MOSPD3: variants seen among roughly 807,000 people sequenced by gnomAD.
MOSPD3 encodes the protein motile sperm domain-containing protein 3.
In MOSPD3, 20 loss-of-function variants were observed where a neutral mutation model predicts 23.3. The ratio of observed to expected loss-of-function variants is 0.86; its 90% confidence interval spans 0.61 to 1.25. The LOEUF is 1.25. Among genes scored for constraint, MOSPD3 ranks in the 50% most tolerant of loss-of-function variants. MOSPD3 has a pLI of 0.00. For synonymous variants in MOSPD3, 136 were observed against 135.2 expected (o/e 1.01, Z -0.04); for missense variants, 307 against 315.7 (o/e 0.97, Z 0.21).
Position 100,613,196 on chromosome 7 carries a change from C to T in MOSPD3, c.208C>T (p.Leu70=). The T allele has an allele frequency of 3.7e-6, 6 of 1,614,062 alleles. No individual in the cohort carries two copies. The highest frequency in any genetic ancestry group is 5.1e-6 in the Non-Finnish European group (6 of 1,179,968). ...CTGTGTGTGTCTCTATCCCCCAGTCCTGTGCACAGCACCTGCCAAATACAC... is the reference window on the plus strand; with the variant it reads ...CTGTGTGTGTCTCTATCCCCCAGTCTTGTGCACAGCACCTGCCAAATACAC... The part of the protein sequence containing the change: ...PTGTALRFRV[L]CTAPAKYTVF... Residue 70 remains leucine (L), a splice_region_variant and synonymous_variant, in exon 2 of 5, where the codon CTG becomes TTG. Coordinates refer to ENST00000393950, the MANE Select transcript of MOSPD3 (RefSeq NM_023948.5).
At position 100,612,829 on chromosome 7, in the gene MOSPD3, G is replaced by A. The variant is rs574050719; in HGVS notation, c.38G>A (p.Gly13Asp). The change falls in exon 1 of 5, where the codon GGT becomes GAT. Residue 13 changes from glycine to aspartate, a missense_variant. Physicochemically the swap from Gly to Asp is moderately conservative, Grantham distance 94. Coordinates refer to ENST00000393950, the MANE Select transcript of MOSPD3 (RefSeq NM_023948.5). ...RGAPQDQELV[G>D]PGPPGRGSRG... ...GCGCCCCAGGACCAGGAGCTGGTGG[G>A]TCCGGGGCCCCCTGGGCGGGGGTCC... is the stretch of plus-strand genomic sequence containing the variant. 1.2e-4 allele frequency: 187 copies of A among 1,609,366 alleles called. 1 individual carries two copies. In the South Asian group the frequency reaches 2.0e-3, roughly 17 times the overall value.
At chr7:100,612,502 G>C (rs1301397345), upstream of MOSPD3, 1 of 324,682 alleles carries the variant, frequency 3.1e-6, no homozygotes, top group South Asian at 7.0e-5. Flanking sequence ...AGAAGGCCGG[G>C]TTGGGAGCTG....
chr7:100,613,835 C>G, intron 3 of MOSPD3, 129 bp downstream of exon 3: 2 of 830,184 alleles, frequency 2.4e-6, no homozygotes, highest in Non-Finnish European at 3.7e-6. Flanking sequence ...AAACATTCCT[C>G]CGAGTTGAGA....
intron 1 of MOSPD3, 95 bp downstream of exon 1, chr7:100,613,091 T>C: frequency 6.3e-7 from 1 of 1,578,594 alleles, no homozygotes; most frequent in East Asian, 2.2e-5. Flanking sequence ...ACGTCCAGCT[T>C]TGGTGGACTG....
In MOSPD3 at chr7:100,614,869, C is replaced by G. The variant is rs775486505; in HGVS notation, c.514C>G (p.Pro172Ala). ...PPTARHFQEH[P>A]RQQLATSSFL... ...ATCTGATGAGTCTTGTTTCTCAGAC[C>G]CCCGCCAGCAACTGGCCACCAGCTC... The change falls in exon 4 of 5, where the codon CCC (proline) becomes GCC (alanine). Residue 172 changes from proline (P) to alanine (A), a missense_variant and splice_region_variant. Physicochemically the swap from Pro to Ala is conservative, Grantham distance 27. Transcript: ENST00000393950. The G allele has an allele frequency of 6.2e-7, 1 of 1,613,664 alleles. No homozygotes were observed. Among genetic ancestry groups the G allele is most frequent in the Non-Finnish European group, 8.5e-7 (1 of 1,179,728 alleles).
chr7:100,613,833 C>A, intron 3 of MOSPD3, 127 bp downstream of exon 3: 1 of 846,176 alleles, frequency 1.2e-6, no homozygotes, highest in Non-Finnish European at 1.8e-6. Context: ...GGAAACATTC[C>A]TCCGAGTTGA....
At chr7:100,613,782 G>T (rs899515415) in intron 3 of MOSPD3, 76 bp downstream of exon 3, 19 of 1,329,508 alleles carry the variant, frequency 1.4e-5, no homozygotes, top group Non-Finnish European at 2.0e-5. Context: ...AGATAAATTG[G>T]ATTTGAAGAA....
rs1802885850 is a variant in MOSPD3, at chr7:100,613,260, G to A, written c.272G>A (p.Cys91Tyr). ...DAEGYVKPQS[C>Y]IDIVIRHVAP... is the part of the protein sequence containing the mutation. ...GAGGGATATGTGAAGCCCCAGTCTT[G>A]CATTGACATGTGAGTGAGCTGGGAG... The change falls in exon 2 of 5, where the codon TGC (cysteine) becomes TAC (tyrosine). Residue 91 changes from cysteine (C) to tyrosine (Y), a missense_variant. By Grantham distance (194) the Cys-to-Tyr change is radical. Transcript: ENST00000393950. The A allele has an allele frequency of 6.2e-7, 1 of 1,614,112 alleles. No homozygotes were observed. The highest frequency in any genetic ancestry group is 8.5e-7 in the Non-Finnish European group (1 of 1,179,976).
At position 100,613,178 on chromosome 7, in the gene MOSPD3, T is replaced by A. The variant is rs1802882803; in HGVS notation, c.206-16T>A. On this transcript the variant is annotated splice_polypyrimidine_tract_variant and intron_variant, in intron 1 of 4. Coordinates refer to ENST00000393950, the MANE Select transcript of MOSPD3 (RefSeq NM_023948.5). ...CCACATGGCAGGGCTTGTCTGTGTG[T>A]GTCTCTATCCCCCAGTCCTGTGCAC... is the stretch of plus-strand genomic sequence containing the variant. 3 of 1,613,676 alleles carry A rather than the reference T, an allele frequency of 1.9e-6. No homozygotes were observed. Among genetic ancestry groups the A allele is most frequent in the Non-Finnish European group, 2.5e-6 (3 of 1,179,612 alleles).
chr7:100,613,056 GGA>G, intron 1 of MOSPD3, 60 bp downstream of exon 1: 1 of 1,600,336 alleles, frequency 6.2e-7, no homozygotes, highest in Non-Finnish European at 8.6e-7. Flanking sequence ...TGTGTTGGCT[GGA>G]GGAGTCAGAT....
At chr7:100,614,329 G>A (rs1802926251) in intron 3 of MOSPD3, among the ~76,000 whole-genome samples, 1 of 151,870 alleles carries the variant, frequency 6.6e-6, no homozygotes, top group Non-Finnish European at 1.5e-5. Context: ...AGCTGGGAGT[G>A]GTGGCTCGCA....
chr7:100,612,302 G>A (rs1171476538), upstream of MOSPD3: 6 of 152,888 alleles, frequency 3.9e-5, no homozygotes, highest in Admixed American at 3.9e-4. Flanking sequence ...CCGTGTCCGA[G>A]CTTAGGGAGG....
At position 100,615,141 on chromosome 7, in the gene MOSPD3, C is replaced by G. The variant is rs201335881; in HGVS notation, c.677-11C>G. On this transcript the variant is annotated splice_polypyrimidine_tract_variant and intron_variant, in intron 4 of 4. Coordinates refer to ENST00000393950, the MANE Select transcript of MOSPD3 (RefSeq NM_023948.5). ...CCATGCGACCCTATTCTTTCTTTGT[C>G]CCCCCTCCAGGCCTCCTCACCATGG... 5.0e-5 allele frequency: 81 copies of G among 1,613,780 alleles called. No individual in the cohort carries two copies. The highest frequency in any genetic ancestry group is 2.2e-5 in the Non-Finnish European group (26 of 1,179,880).
At position 100,615,236 on chromosome 7, in the gene MOSPD3, G is replaced by A; in HGVS notation, c.*53G>A. On this transcript the variant is annotated 3_prime_UTR_variant, in exon 5 of 5. Transcript: ENST00000393950. ...CACCCTCCCTGGGCAGGGTCTTGAG[G>A]CAGCCACTGTGATGCTCATACCTTA... 6.4e-7 allele frequency: 1 copy of A among 1,572,062 alleles called. No individual in the cohort carries two copies. The highest frequency in any genetic ancestry group is 8.7e-7 in the Non-Finnish European group (1 of 1,148,430).
rs544617818 is a variant in MOSPD3 at position 100,612,880 on chromosome 7, C to T, written c.89C>T (p.Pro30Leu). ...GSRGAPPPLG[P>L]VVPVLVFPPD... Reference sequence around the variant, plus strand: ...CGGGGCGCCCCTCCTCCCTTGGGACCCGTTGTCCCGGTCCTGGTCTTTCCC... The same window carrying T: ...CGGGGCGCCCCTCCTCCCTTGGGACTCGTTGTCCCGGTCCTGGTCTTTCCC... Residue 30 changes from proline (P) to leucine (L), a missense_variant, in exon 1 of 5, where the codon CCC becomes CTC. Coordinates refer to ENST00000393950, the MANE Select transcript of MOSPD3 (RefSeq NM_023948.5). 3 of 1,613,100 alleles carry T rather than the reference C, an allele frequency of 1.9e-6. No individual in the cohort carries two copies. The highest frequency in any genetic ancestry group is 1.3e-5 in the African/African-American group (1 of 74,992).
rs756156545 is a variant in MOSPD3, at chr7:100,615,208, C to T, written c.*25C>T. ...AGCTCCGTGCTCAACCCCCAGCCCA[C>T]CCCACCCTCCCTGGGCAGGGTCTTG... On this transcript the variant is annotated 3_prime_UTR_variant, in exon 5 of 5. Transcript: ENST00000393950. 6.2e-7 allele frequency: 1 copy of T among 1,610,260 alleles called. No individual in the cohort carries two copies. Among genetic ancestry groups the T allele is most frequent in the South Asian group, 1.1e-5 (1 of 90,700 alleles).
In MOSPD3 at chr7:100,613,548, A is replaced by T; in HGVS notation, c.353A>T (p.Glu118Val). The change falls in exon 3 of 5, where the codon GAG becomes GTG. Residue 118 changes from glutamate (E) to valine (V), a missense_variant. Glu to Val is a moderately radical substitution (Grantham distance 121). Coordinates refer to ENST00000393950, the MANE Select transcript of MOSPD3 (RefSeq NM_023948.5). ...GACCGCTTCCGCATTGAGCTGTCTG[A>T]GGAAGGAGCTGAGGGCCGAGTGGTG... ...VQDRFRIELSEEGAEGRVVGR... is the reference protein window; with the variant it reads ...VQDRFRIELSVEGAEGRVVGR... The T allele has an allele frequency of 6.2e-7, 1 of 1,614,162 alleles. No homozygotes were observed. Among genetic ancestry groups the T allele is most frequent in the South Asian group, 1.1e-5 (1 of 91,082 alleles).
At chr7:100,614,775 G>T in intron 3 of MOSPD3, 92 bp from the exon 4 acceptor site, 2 of 1,264,610 alleles carry the variant, frequency 1.6e-6, no homozygotes, top group Non-Finnish European at 2.1e-6. Context: ...AAAAAAAAAA[G>T]TAGATACATC....
intron 3 of MOSPD3, 94 bp downstream of exon 3, chr7:100,613,800 G>C: frequency 8.9e-7 from 1 of 1,127,002 alleles, no homozygotes; most frequent in Non-Finnish European, 1.3e-6. Context: ...GAAGTCTCCT[G>C]GTTCAGTCTT....
Sources: gnomAD v4.1 joint callset for allele counts (sites outside exome capture counted in the v4.1 genomes callset) on GRCh38, gnomAD v4.1.1 for gene constraint, MANE v1.5 for transcripts, NCBI Gene and HGNC (gene_info 2026-07-23, HGNC 2026-07-21) for gene names.